ZMYND12: variants seen among roughly 807,000 people sequenced by gnomAD.
ZMYND12 encodes zinc finger MYND domain-containing protein 12.
A neutral mutation model predicts 41.7 loss-of-function variants in ZMYND12; 32 were observed. That is an observed-to-expected ratio of 0.77 (90% CI 0.58 to 1.03). The LOEUF (loss-of-function observed/expected upper bound fraction) is 1.03. Ranked by LOEUF, ZMYND12 falls within the 50% of genes least tolerant of loss-of-function variation. The probability of loss-of-function intolerance (pLI) is 0.00; values close to 1 mark genes in which losing one functional copy is unlikely to be tolerated. For synonymous variants in ZMYND12, 148 were observed against 164.8 expected (o/e 0.90, Z 0.78); for missense variants, 424 against 438.5 (o/e 0.97, Z 0.30).
intron 1 of ZMYND12, among the ~76,000 whole-genome samples, chr1:42,452,117 T>C (rs556519223): frequency 6.6e-6 from 1 of 152,330 alleles, no homozygotes; most frequent in South Asian, 2.1e-4. Context: ...AATTCACCAC[T>C]GATCCTATAG....
chr1:42,450,406 T>C (rs1643071254), intron 1 of ZMYND12, among the ~76,000 whole-genome samples: 1 of 152,236 alleles, frequency 6.6e-6, no homozygotes, highest in Non-Finnish European at 1.5e-5. Context: ...CTGATTTTAG[T>C]AATCTGAATC....
chr1:42,438,280 T>G (rs1642929032), intron 4 of ZMYND12, among the ~76,000 whole-genome samples: 1 of 152,206 alleles, frequency 6.6e-6, no homozygotes, highest in Non-Finnish European at 1.5e-5. Context: ...GTGGAATTAT[T>G]ACTTGACATG....
intron 7 of ZMYND12, 64 bp from the exon 8 acceptor site, chr1:42,430,922 A>G: frequency 1.3e-6 from 2 of 1,598,552 alleles, no homozygotes; most frequent in Non-Finnish European, 1.7e-6. Context: ...GGGAAGCCCC[A>G]TCTGTGCTCA....
chr1:42,454,069 G>C (rs539655331), intron 1 of ZMYND12, among the ~76,000 whole-genome samples: 1 of 152,190 alleles, frequency 6.6e-6, no homozygotes, highest in African/African-American at 2.4e-5. Context: ...ACTGAAGGAT[G>C]AAAGGGAGCC....
chr1:42,450,597 G>C (rs1643073050), intron 1 of ZMYND12, among the ~76,000 whole-genome samples: 1 of 152,106 alleles, frequency 6.6e-6, no homozygotes, highest in African/African-American at 2.4e-5. Context: ...ACAGGGCTGT[G>C]CATAAAGGAG....
chr1:42,440,488 AGTCCAATGCAAGGGAGGCACTAACAGGGG>A (rs537122585), intron 3 of ZMYND12, among the ~76,000 whole-genome samples: 83 of 151,794 alleles, frequency 5.5e-4, no homozygotes, highest in African/African-American at 1.4e-3. Context: ...CGACAGGGGG[AGTCCAATGCAAGGGAGGCACTAACAGGGG>A]GTCCAATGCA....
intron 3 of ZMYND12, 125 bp from the exon 4 acceptor site, chr1:42,440,150 T>C: frequency 1.9e-6 from 2 of 1,026,600 alleles, no homozygotes; most frequent in Non-Finnish European, 2.6e-6. Flanking sequence ...ACAGAAAAAC[T>C]CATACAGGAA....
At chr1:42,438,753 C>G (rs1010852166) in intron 4 of ZMYND12, among the ~76,000 whole-genome samples, 6 of 152,084 alleles carry the variant, frequency 3.9e-5, no homozygotes, top group African/African-American at 1.2e-4. Flanking sequence ...ATTTAATTTA[C>G]GGGCATTGTA....
chr1:42,448,323 C>T, intron 3 of ZMYND12, 144 bp downstream of exon 3: 1 of 973,534 alleles, frequency 1.0e-6, no homozygotes, highest in Non-Finnish European at 1.4e-6. Context: ...TCCTTCCCTA[C>T]CTTGTGCTAA....
chr1:42,451,333 A>AT (rs1198899114), intron 1 of ZMYND12, among the ~76,000 whole-genome samples: 3 of 152,088 alleles, frequency 2.0e-5, no homozygotes, highest in Non-Finnish European at 4.4e-5. Flanking sequence ...TGCTGCATGT[A>AT]TTTTGAGGCT....
intron 4 of ZMYND12, among the ~76,000 whole-genome samples, chr1:42,437,542 C>T (rs1642921118): frequency 6.7e-6 from 1 of 149,244 alleles, no homozygotes; most frequent in Non-Finnish European, 1.5e-5. Context: ...AAGACAGAGT[C>T]TCCCTCTGTC....
chr1:42,435,592 T>A (rs1377442633), intron 5 of ZMYND12: 1 of 491,788 alleles, frequency 2.0e-6, no homozygotes, highest in Non-Finnish European at 3.7e-6. Context: ...AAAGGGCCTG[T>A]GGCAGCTCAT....
chr1:42,452,728 T>G (rs1041514648), intron 1 of ZMYND12, among the ~76,000 whole-genome samples: 1 of 151,942 alleles, frequency 6.6e-6, no homozygotes, highest in African/African-American at 2.4e-5. Flanking sequence ...AAATAAAAGT[T>G]CTACTGTGTC....
intron 1 of ZMYND12, among the ~76,000 whole-genome samples, chr1:42,455,351 C>T (rs1336984370): frequency 2.0e-5 from 3 of 152,230 alleles, no homozygotes; most frequent in African/African-American, 7.2e-5. Flanking sequence ...CCGCTCACTG[C>T]GAGCTCCGCC....
rs200357920 is a variant in ZMYND12, at chr1:42,436,555, GGAA to G, written c.595-15_595-13del. 869 of 1,612,018 alleles carry G rather than the reference GGAA, an allele frequency of 5.4e-4. 8 individuals carry two copies. The East Asian group carries it at 0.013, about 24-fold the overall frequency. ...CTGGCAAAATAAATCTATAGCAGAA[GGAA>G]GAAGGAGAGTGCTTGAGTTCCTTTT... On this transcript the variant is annotated splice_polypyrimidine_tract_variant and intron_variant, in intron 4 of 7. Transcript: ENST00000372565.
chr1:42,437,766 C>G (rs1429206132), intron 4 of ZMYND12, among the ~76,000 whole-genome samples: 1 of 151,830 alleles, frequency 6.6e-6, no homozygotes, highest in African/African-American at 2.4e-5. Context: ...ACTGCAACCT[C>G]TGCCTCCCAG....
At position 42,439,776 on chromosome 1, in the gene ZMYND12, A is replaced by G; in HGVS notation, c.594+80T>C. 2.1e-6 allele frequency: 3 copies of G among 1,416,616 alleles called. No homozygotes were observed. The South Asian group carries it at 4.4e-5, about 21-fold the overall frequency. 87.8% of individuals were successfully genotyped at this position (1,416,616 alleles called of 1,614,324 possible). ...TAGAGAAATGCACAGTTTTAAAAAAATTAAACAGATTTTGGAAATATACAG... is the reference window on the plus strand; with the variant it reads ...TAGAGAAATGCACAGTTTTAAAAAAGTTAAACAGATTTTGGAAATATACAG... On this transcript the variant is annotated intron_variant, in intron 4 of 7. Transcript: ENST00000372565.
Position 42,450,022 on chromosome 1 carries a change from G to A in ZMYND12, c.148C>T (p.His50Tyr). Residue 50 changes from histidine (H) to tyrosine (Y), a missense_variant, in exon 2 of 8, where the codon CAT (histidine) becomes TAT (tyrosine). By Grantham distance (83) the His-to-Tyr change is moderately conservative. Transcript: ENST00000372565. The part of the protein sequence containing the change: ...VHQKADWDSI[H>Y]EKICQLLIPL... ...ATCAAGAGCTGACATATTTTCTCAT[G>A]GATGCTGTCCCAGTCAGCCTTCTGA... is the stretch of plus-strand genomic sequence containing the variant. The A allele has an allele frequency of 6.2e-7, 1 of 1,613,926 alleles. No individual in the cohort carries two copies. Among genetic ancestry groups the A allele is most frequent in the Non-Finnish European group, 8.5e-7 (1 of 1,180,026 alleles).
chr1:42,454,397 C>T (rs1229957041), intron 1 of ZMYND12, among the ~76,000 whole-genome samples: 1 of 152,206 alleles, frequency 6.6e-6, no homozygotes, highest in Non-Finnish European at 1.5e-5. Flanking sequence ...CAGTCCATGT[C>T]CTAAGTGTTA....
Sources: gnomAD v4.1 joint callset for allele counts (sites outside exome capture counted in the v4.1 genomes callset) on GRCh38, gnomAD v4.1.1 for gene constraint, MANE v1.5 for transcripts, NCBI Gene and HGNC (gene_info 2026-07-23, HGNC 2026-07-21) for gene names.